The following GHR variants were observed in gnomAD, a reference collection of about 807,000 sequenced individuals.
GHR encodes the protein growth hormone receptor.
A neutral mutation model predicts 67.1 loss-of-function variants in GHR; 35 were observed. That is an observed-to-expected ratio of 0.52 (90% CI 0.40 to 0.69). The LOEUF (loss-of-function observed/expected upper bound fraction) is 0.69, where lower values mean the gene tolerates loss of function less well. GHR is among the 30% of genes least tolerant of loss of function. The pLI, the probability that GHR is intolerant of heterozygous loss-of-function variation, is 0.00. For synonymous variants in GHR, 272 were observed against 269.1 expected, an observed-to-expected ratio of 1.01 and a Z score of -0.10; for missense variants, 792 against 764.6, an observed-to-expected ratio of 1.04 and a Z score of -0.42.
chr5:42,638,700 C>G (rs1754323085), intron 3 of GHR, among the ~76,000 whole-genome samples: 1 of 152,116 alleles, frequency 6.6e-6, no homozygotes, highest in South Asian at 2.1e-4. Flanking sequence ...TTATACAGCA[C>G]AAGACTATAG....
chr5:42,505,390 A>G (rs1466857000), intron 1 of GHR, among the ~76,000 whole-genome samples: 1 of 151,726 alleles, frequency 6.6e-6, no homozygotes, highest in East Asian at 1.9e-4. Context: ...AAAAGTTATC[A>G]TACACTCAGC....
At position 42,423,651 on chromosome 5, in the gene GHR, T is replaced by G. The variant is rs995981402; in HGVS notation, c.-316T>G. ...CCCCTGGTGAACGGTGGCCGCCTTT[T>G]CCCACCCCTGCCCTCCCATCCTCCC... On this transcript the variant is annotated 5_prime_UTR_variant, in exon 1 of 10. Coordinates refer to ENST00000230882, the MANE Select transcript of GHR (RefSeq NM_000163.5). 1 of 153,242 alleles carries G rather than the reference T, an allele frequency of 6.5e-6. No individual in the cohort carries two copies. Among genetic ancestry groups the G allele is most frequent in the Non-Finnish European group, 1.5e-5 (1 of 68,300 alleles). 9.5% of individuals were successfully genotyped at this position (153,242 alleles called of 1,614,324 possible). A position where few individuals can be genotyped will look rare whatever the true frequency, so the allele number is the denominator to read the frequency against.
intron 1 of GHR, among the ~76,000 whole-genome samples, chr5:42,464,492 A>G (rs1466692748): frequency 2.6e-5 from 4 of 152,204 alleles, no homozygotes; most frequent in African/African-American, 9.7e-5. Flanking sequence ...ATGGGAAAGA[A>G]GGAAGCTCAG....
chr5:42,720,921 TTTGTTGTTG>T lies in GHR; in HGVS notation c.*1510_*1518del, dbSNP rs398064766. ...CTTAATATCCTAAACATCATTCATT[TTTGTTGTTG>T]TTGTTGTTGTTGAGACAGAGTCTCG... On this transcript the variant is annotated 3_prime_UTR_variant, in exon 10 of 10. Transcript: ENST00000230882. 2.6e-5 allele frequency: 4 copies of T among 151,076 alleles called. No homozygotes were observed. The highest frequency in any genetic ancestry group is 9.7e-5 in the African/African-American group (4 of 41,108). 9.4% of individuals were successfully genotyped at this position (151,076 alleles called of 1,614,324 possible).
intron 3 of GHR, among the ~76,000 whole-genome samples, chr5:42,678,789 T>A (rs1266820104): frequency 6.6e-6 from 1 of 151,900 alleles, no homozygotes; most frequent in South Asian, 2.1e-4. Flanking sequence ...TATTAGTAAA[T>A]CAATTTATAG....
intron 1 of GHR, among the ~76,000 whole-genome samples, chr5:42,535,857 G>A (rs1048121630): frequency 1.3e-5 from 2 of 152,048 alleles, no homozygotes; most frequent in African/African-American, 4.8e-5. Flanking sequence ...AGTTTTCCTT[G>A]TCAAGGTCTT....
intron 2 of GHR, among the ~76,000 whole-genome samples, chr5:42,567,367 C>T (rs1015565685): frequency 1.3e-5 from 2 of 152,222 alleles, no homozygotes; most frequent in Non-Finnish European, 2.9e-5. Context: ...GCATCTGTTT[C>T]AGCTGCTTCG....
chr5:42,693,068 CCTTAT>C (rs544105513), intron 4 of GHR, among the ~76,000 whole-genome samples: 5 of 152,022 alleles, frequency 3.3e-5, no homozygotes, highest in Middle Eastern at 3.4e-3. Flanking sequence ...CACAAACACA[CCTTAT>C]CTTTTCTTCT....
At chr5:42,472,230 G>T (rs1461947813) in intron 1 of GHR, among the ~76,000 whole-genome samples, 1 of 152,168 alleles carries the variant, frequency 6.6e-6, no homozygotes, top group Non-Finnish European at 1.5e-5. Context: ...TTCTGGAGAT[G>T]TATGCTTTAC....
At chr5:42,457,794 C>T (rs535021812) in intron 1 of GHR, among the ~76,000 whole-genome samples, 84 of 152,188 alleles carry the variant, frequency 5.5e-4, no homozygotes, top group African/African-American at 2.0e-3. Flanking sequence ...CATAAAAAAT[C>T]TTGACTTTAT....
intron 1 of GHR, chr5:42,549,640 A>G: frequency 1.0e-6 from 1 of 984,084 alleles, no homozygotes; most frequent in Non-Finnish European, 1.2e-6. Context: ...GAACCTTCTG[A>G]GAAGATTCCT....
rs2112448880 is a variant in GHR at position 42,558,867 on chromosome 5, TTTTA to T, written c.-11-6992_-11-6989del. ...AAGAAATATTTGTTTTAATAATGGATTTTATTTAATTCAGCAGTTAAAAATATGA... is the reference window on the plus strand; with the variant it reads ...AAGAAATATTTGTTTTAATAATGGATTTTAATTCAGCAGTTAAAAATATGA... On this transcript the variant is annotated intron_variant, in intron 1 of 9. Coordinates refer to ENST00000230882, the MANE Select transcript of GHR (RefSeq NM_000163.5). Among the ~76,000 whole-genome samples the T allele has an allele frequency of 2.0e-5, 3 of 152,354 alleles. 1 individual carries two copies. The highest frequency in any genetic ancestry group is 7.2e-5 in the African/African-American group (3 of 41,578).
At chr5:42,493,774 A>G (rs1192249189) in intron 1 of GHR, among the ~76,000 whole-genome samples, 1 of 152,190 alleles carries the variant, frequency 6.6e-6, no homozygotes, top group African/African-American at 2.4e-5. Context: ...ATTTGTCAAG[A>G]TACAATATAA....
intron 1 of GHR, among the ~76,000 whole-genome samples, chr5:42,489,958 A>C (rs191256435): frequency 3.9e-5 from 6 of 152,216 alleles, no homozygotes; most frequent in African/African-American, 1.4e-4. Context: ...AGAAAAAAAA[A>C]CAATTTCAGT....
At chr5:42,578,919 A>C (rs1750920193) in intron 2 of GHR, among the ~76,000 whole-genome samples, 1 of 152,168 alleles carries the variant, frequency 6.6e-6, no homozygotes. Context: ...AGCAATAAAT[A>C]TCAGAGACAT....
At chr5:42,586,184 C>T (rs1490708133) in intron 2 of GHR, among the ~76,000 whole-genome samples, 1 of 152,130 alleles carries the variant, frequency 6.6e-6, no homozygotes, top group Non-Finnish European at 1.5e-5. Context: ...CTTTCCTCCT[C>T]CTCCTCCTCC....
intron 1 of GHR, among the ~76,000 whole-genome samples, chr5:42,557,655 A>G (rs909383338): frequency 1.4e-4 from 21 of 152,144 alleles, no homozygotes; most frequent in African/African-American, 5.1e-4. Flanking sequence ...TGTGACTCCA[A>G]AGCACATTCA....
At chr5:42,434,270 G>C (rs537021734) in intron 1 of GHR, among the ~76,000 whole-genome samples, 2 of 152,226 alleles carry the variant, frequency 1.3e-5, no homozygotes, top group South Asian at 4.1e-4. Context: ...ATCTACCAGT[G>C]GCTGTCAACC....
intron 3 of GHR, among the ~76,000 whole-genome samples, chr5:42,674,897 T>C (rs752586762): frequency 6.6e-6 from 1 of 152,220 alleles, no homozygotes; most frequent in South Asian, 2.1e-4. Context: ...ATGGTAACTC[T>C]GTATTTAACA....
Sources: gnomAD v4.1 joint callset for allele counts (sites outside exome capture counted in the v4.1 genomes callset) on GRCh38, gnomAD v4.1.1 for gene constraint, MANE v1.5 for transcripts, NCBI Gene and HGNC (gene_info 2026-07-23, HGNC 2026-07-21) for gene names.